The following VPS53 variants were observed in gnomAD, a reference collection of about 807,000 sequenced individuals.
VPS53 encodes the protein VPS53 subunit of GARP complex.
A neutral mutation model predicts 107.0 loss-of-function variants in VPS53; 70 were observed. That is an observed-to-expected ratio of 0.65 (90% CI 0.54 to 0.80). VPS53 has a LOEUF of 0.80. Ranked by LOEUF, VPS53 falls within the 30% of genes least tolerant of loss-of-function variation. The pLI, the probability that VPS53 is intolerant of heterozygous loss-of-function variation, is 0.00. For missense variants in VPS53, 917 were observed against 1,049.4 expected, an observed-to-expected ratio of 0.87 and a Z score of 1.74; for synonymous variants, 409 against 393.3, an observed-to-expected ratio of 1.04 and a Z score of -0.47.
At chr17:697,047 G>C (rs1694909575) in intron 4 of VPS53, among the ~76,000 whole-genome samples, 1 of 152,164 alleles carries the variant, frequency 6.6e-6, no homozygotes, top group African/African-American at 2.4e-5. Context: ...ACTATGTCAG[G>C]TTACTATCTT....
In VPS53 at chr17:631,602, C is replaced by T. The variant is rs750778254; in HGVS notation, c.635G>A (p.Gly212Glu). The T allele has an allele frequency of 6.2e-7, 1 of 1,613,958 alleles. No homozygotes were observed. The highest frequency in any genetic ancestry group is 1.3e-5 in the African/African-American group (1 of 74,902). Residue 212 changes from glycine to glutamate, a missense_variant, in exon 8 of 22, where the codon GGA becomes GAA. Physicochemically the swap from Gly to Glu is moderately conservative, Grantham distance 98 (BLOSUM62 -2). Coordinates refer to ENST00000437048, the MANE Select transcript of VPS53 (RefSeq NM_001128159.3). ...TTCAAAATCTGCCAGGATTTGCTGT[C>T]CTAACTCAGTCTGTGCAGCCTTCAC... is the stretch of plus-strand genomic sequence containing the variant. ...ERVKAAQTEL[G>E]QQILADFEEA... is the part of the protein sequence containing the mutation.
At chr17:710,473 CA>C in intron 2 of VPS53, 59 bp downstream of exon 2, 1 of 1,329,352 alleles carries the variant, frequency 7.5e-7, no homozygotes, top group East Asian at 2.3e-5. Flanking sequence ...ACACACGAAG[CA>C]TAACACCCAA....
intron 12 of VPS53, among the ~76,000 whole-genome samples, chr17:598,578 A>C: frequency 3.2e-5 from 4 of 125,132 alleles, no homozygotes; most frequent in Admixed American, 8.1e-5. Flanking sequence ...CCGGCTGCCC[A>C]TTGTCTGAGA....
intron 14 of VPS53, among the ~76,000 whole-genome samples, 168 bp downstream of exon 14, chr17:562,335 T>G (rs1597304016): frequency 6.6e-6 from 1 of 152,288 alleles, no homozygotes; most frequent in East Asian, 1.9e-4. Context: ...CTTGATCAGC[T>G]GTGGAATGTC....
intron 13 of VPS53, 90 bp downstream of exon 13, chr17:586,180 G>A (rs1330850026): frequency 8.5e-6 from 10 of 1,183,432 alleles, no homozygotes; most frequent in African/African-American, 7.6e-5. Flanking sequence ...CCATCTTTCA[G>A]CCCCGGAAGG....
intron 4 of VPS53, among the ~76,000 whole-genome samples, chr17:696,938 G>A (rs141480030): frequency 4.6e-5 from 7 of 152,156 alleles, no homozygotes; most frequent in East Asian, 1.9e-4. Context: ...GATTACAGGC[G>A]TGAGCCGCTG....
intron 11 of VPS53, among the ~76,000 whole-genome samples, chr17:612,403 C>A (rs1255002514): frequency 7.7e-6 from 1 of 130,490 alleles, no homozygotes. Flanking sequence ...CAGCAGTATT[C>A]AAATAGTGAA....
intron 7 of VPS53, chr17:632,605 C>T (rs1000577617): frequency 1.5e-5 from 6 of 397,980 alleles, no homozygotes; most frequent in African/African-American, 4.2e-5. Flanking sequence ...AATACTAGAT[C>T]GTATCATTCT....
intron 5 of VPS53, among the ~76,000 whole-genome samples, chr17:656,364 A>G (rs1416941147): frequency 6.6e-6 from 1 of 152,166 alleles, no homozygotes; most frequent in Non-Finnish European, 1.5e-5. Flanking sequence ...AGGTACTCAG[A>G]CGGTCTTTAC....
rs548498608 is a variant in VPS53, at chr17:549,645, G to C, written c.1866+2227C>G. On this transcript the variant is annotated intron_variant, in intron 17 of 21. Coordinates refer to ENST00000437048, the MANE Select transcript of VPS53 (RefSeq NM_001128159.3). The stretch of plus-strand genomic sequence containing the variant: ...AAAATTCTTTCGGCAGCTGCATTCC[G>C]ATCTGAAGTGTGTGGCAGTTCAGGA... Among the ~76,000 whole-genome samples the C allele has an allele frequency of 3.3e-5, 5 of 152,182 alleles. No homozygotes were observed. The South Asian group carries it at 1.0e-3, about 32-fold the overall frequency.
chr17:705,300 A>G (rs1298189507), intron 2 of VPS53, among the ~76,000 whole-genome samples: 1 of 152,074 alleles, frequency 6.6e-6, no homozygotes, highest in Non-Finnish European at 1.5e-5. Flanking sequence ...CAAAATTCTT[A>G]ACTTAGGGCC....
chr17:539,989 G>A (rs921878700), intron 17 of VPS53, among the ~76,000 whole-genome samples: 1 of 151,796 alleles, frequency 6.6e-6, no homozygotes, highest in African/African-American at 2.4e-5. Context: ...GCCCAAACCC[G>A]GTCTATCTAA....
At position 693,917 on chromosome 17, in the gene VPS53, G is replaced by A. The variant is rs573234250; in HGVS notation, c.285+3501C>T. ...TCTTCCAGGGAAGAGGGGAACGTGG[G>A]GCCTCTTGACCTACAAAACTCAGTA... On this transcript the variant is annotated intron_variant, in intron 4 of 21. Coordinates refer to ENST00000437048, the MANE Select transcript of VPS53 (RefSeq NM_001128159.3). Among the ~76,000 whole-genome samples, 4 of 152,148 alleles carry A rather than the reference G, an allele frequency of 2.6e-5. No homozygotes were observed. The South Asian group carries it at 8.3e-4, about 32-fold the overall frequency.
intron 11 of VPS53, among the ~76,000 whole-genome samples, chr17:619,108 G>A (rs888878630): frequency 6.8e-6 from 1 of 146,850 alleles, no homozygotes; most frequent in Non-Finnish European, 1.5e-5. Flanking sequence ...ATATTTCCCG[G>A]GTAGCTGGGA....
intron 2 of VPS53, 98 bp from the exon 3 acceptor site, chr17:699,478 T>A: frequency 1.0e-6 from 1 of 970,868 alleles, no homozygotes; most frequent in Non-Finnish European, 1.4e-6. Context: ...TTATGAAATC[T>A]CAAAAAATTT....
At position 712,107 on chromosome 17, in the gene VPS53, C is replaced by T. The variant is rs150721215; in HGVS notation, c.88-1494G>A. ...CTGGGATTACAGGCGTGAGCCTCCA[C>T]ACCCGGCCTTCATGGGCAATTTAAA... is the stretch of plus-strand genomic sequence containing the variant. On this transcript the variant is annotated intron_variant, in intron 1 of 21. Transcript: ENST00000437048. Among the ~76,000 whole-genome samples the T allele has an allele frequency of 4.8e-5, 7 of 145,154 alleles. No individual in the cohort carries two copies. In the East Asian group the frequency reaches 1.5e-3, roughly 31 times the overall value.
chr17:533,584 C>A (rs1567603122), intron 18 of VPS53, among the ~76,000 whole-genome samples: 1 of 152,228 alleles, frequency 6.6e-6, no homozygotes, highest in Non-Finnish European at 1.5e-5. Flanking sequence ...AGTACACACG[C>A]ACCTCTCAGA....
At chr17:561,511 C>T (rs1327479768) in intron 14 of VPS53, among the ~76,000 whole-genome samples, 3 of 152,260 alleles carry the variant, frequency 2.0e-5, no homozygotes, top group Middle Eastern at 6.8e-3. Context: ...GCCCCAATTC[C>T]GTGACACAAA....
rs143384376 is a variant in VPS53 at position 702,566 on chromosome 17, T to A, written c.169-3186A>T. On this transcript the variant is annotated intron_variant, in intron 2 of 21. Transcript: ENST00000437048. ...CTGTAATCCCAGCTACTCGGGAGGC[T>A]GAGGCAGGAGAACTGCTTGAACCCA... Among the ~76,000 whole-genome samples, 334 of 151,894 alleles carry A rather than the reference T, an allele frequency of 2.2e-3. 7 individuals are homozygous for A. In the East Asian group the frequency reaches 0.055, roughly 25 times the overall value.
Sources: gnomAD v4.1 joint callset for allele counts (sites outside exome capture counted in the v4.1 genomes callset) on GRCh38, gnomAD v4.1.1 for gene constraint, MANE v1.5 for transcripts, NCBI Gene and HGNC (gene_info 2026-07-23, HGNC 2026-07-21) for gene names.